FILIP1L: variants seen among roughly 807,000 people sequenced by gnomAD.
FILIP1L encodes the protein filamin A-interacting protein 1-like.
A neutral mutation model predicts 96.6 loss-of-function variants in FILIP1L; 55 were observed. The observed-to-expected ratio is 0.57, with a 90% CI of 0.46 to 0.71. The LOEUF (loss-of-function observed/expected upper bound fraction) is 0.71, where lower values mean the gene tolerates loss of function less well. Ranked by LOEUF, FILIP1L falls within the 30% of genes least tolerant of loss-of-function variation. FILIP1L has a pLI of 0.00. For missense variants in FILIP1L, 1,304 were observed against 1,321.2 expected (o/e 0.99, Z 0.20); for synonymous variants, 467 against 473.9 (o/e 0.99, Z 0.19).
chr3:100,087,651 C>T (rs948273580), intron 1 of FILIP1L, among the ~76,000 whole-genome samples: 68 of 151,840 alleles, frequency 4.5e-4, no homozygotes, highest in African/African-American at 1.5e-3. Context: ...ATATAACTTG[C>T]GAGTTTTTTT....
intron 1 of FILIP1L, among the ~76,000 whole-genome samples, chr3:100,107,501 G>C (rs1234789381): frequency 6.6e-6 from 1 of 152,116 alleles, no homozygotes; most frequent in Non-Finnish European, 1.5e-5. Flanking sequence ...CATTTGGCAG[G>C]TATTTAATGC....
At chr3:99,961,681 C>A (rs4613498) in intron 1 of FILIP1L, among the ~76,000 whole-genome samples, 1 of 152,066 alleles carries the variant, frequency 6.6e-6, no homozygotes, top group Non-Finnish European at 1.5e-5. Context: ...TTAGAATATT[C>A]TTTTATAAGT....
At chr3:100,060,397 G>C (rs1156694358) in intron 1 of FILIP1L, among the ~76,000 whole-genome samples, 2 of 152,000 alleles carry the variant, frequency 1.3e-5, no homozygotes, top group Non-Finnish European at 2.9e-5. Context: ...CTAAGAGAAG[G>C]CAGCTCCTTG....
At chr3:100,014,142 T>G (rs1264401494) in intron 1 of FILIP1L, among the ~76,000 whole-genome samples, 7 of 151,188 alleles carry the variant, frequency 4.6e-5, no homozygotes, top group Admixed American at 2.0e-4. Flanking sequence ...TTGTTGAAAA[T>G]GACAGAATTT....
chr3:99,944,408 T>C (rs1707945362), intron 1 of FILIP1L, among the ~76,000 whole-genome samples: 1 of 152,338 alleles, frequency 6.6e-6, no homozygotes, highest in Non-Finnish European at 1.5e-5. Flanking sequence ...AGGGGGATAC[T>C]CACCCAGGCT....
intron 1 of FILIP1L, among the ~76,000 whole-genome samples, chr3:99,971,503 G>A (rs1446916150): frequency 6.6e-6 from 1 of 152,140 alleles, no homozygotes; most frequent in Non-Finnish European, 1.5e-5. Context: ...TCAGGAATGA[G>A]GTCTCACAGG....
chr3:99,852,407 G>C (rs1364694931), intron 4 of FILIP1L, among the ~76,000 whole-genome samples: 1 of 152,000 alleles, frequency 6.6e-6, no homozygotes, highest in Non-Finnish European at 1.5e-5. Context: ...CTTACTTTTT[G>C]AAAGTTGTGT....
chr3:100,108,548 C>A (rs1312839948), intron 1 of FILIP1L, among the ~76,000 whole-genome samples: 1 of 152,116 alleles, frequency 6.6e-6, no homozygotes, highest in Non-Finnish European at 1.5e-5. Flanking sequence ...CATTGTGGTA[C>A]ATTCTGGTTT....
chr3:99,830,958 T>TA (rs1480059818), intron 5 of FILIP1L, among the ~76,000 whole-genome samples: 2 of 152,230 alleles, frequency 1.3e-5, no homozygotes, highest in African/African-American at 4.8e-5. Flanking sequence ...AGATTGTCTT[T>TA]AAGAGTGCTT....
chr3:99,888,746 G>C (rs147439877), intron 4 of FILIP1L, among the ~76,000 whole-genome samples: 1 of 152,178 alleles, frequency 6.6e-6, no homozygotes, highest in East Asian at 1.9e-4. Flanking sequence ...CTCTCTTCCA[G>C]CAAAAGAAAT....
At chr3:99,989,608 G>A (rs920885229) in intron 1 of FILIP1L, among the ~76,000 whole-genome samples, 1 of 151,716 alleles carries the variant, frequency 6.6e-6, no homozygotes, top group African/African-American at 2.4e-5. Context: ...TTTTCAGAGA[G>A]TGGAAGTATT....
At chr3:99,938,991 T>G (rs1048232979) in intron 1 of FILIP1L, among the ~76,000 whole-genome samples, 3 of 152,236 alleles carry the variant, frequency 2.0e-5, no homozygotes, top group Non-Finnish European at 1.5e-5. Context: ...TCTCCCATTT[T>G]CAGTAAAAAT....
intron 1 of FILIP1L, among the ~76,000 whole-genome samples, chr3:100,029,586 G>C (rs1280160442): frequency 2.0e-5 from 3 of 152,102 alleles, no homozygotes; most frequent in African/African-American, 7.2e-5. Context: ...TGAGCTTAAG[G>C]TTTATTCCAG....
At chr3:100,057,372 TCA>T (rs1175043661) in intron 1 of FILIP1L, among the ~76,000 whole-genome samples, 1 of 152,160 alleles carries the variant, frequency 6.6e-6, no homozygotes, top group African/African-American at 2.4e-5. Context: ...TTTCAAATAC[TCA>T]TTATATCATC....
intron 1 of FILIP1L, among the ~76,000 whole-genome samples, chr3:100,056,104 G>A (rs1220864470): frequency 2.0e-5 from 3 of 152,198 alleles, no homozygotes; most frequent in African/African-American, 4.8e-5. Flanking sequence ...AAGGTCTTAA[G>A]CTGGGGCCTG....
chr3:99,982,377 T>C (rs1265346521), intron 1 of FILIP1L, among the ~76,000 whole-genome samples: 1 of 152,148 alleles, frequency 6.6e-6, no homozygotes, highest in Non-Finnish European at 1.5e-5. Context: ...TCTCACTCTT[T>C]CAACCAGGCT....
Position 99,848,527 on chromosome 3 carries a change from T to C in FILIP1L, c.3149A>G (p.Asn1050Ser). Residue 1050 changes from asparagine to serine, a missense_variant, in exon 5 of 6, where the codon AAT becomes AGT. Transcript: ENST00000477258. ...SSWQFQRSNS[N>S]SSSVITTEDN... is the part of the protein sequence containing the mutation. Reference sequence around the variant, plus strand: ...CTCAGTAGTTATCACACTTGAGCTATTGCTGTTTGAACGCTGAAACTGCCA... The same window carrying C: ...CTCAGTAGTTATCACACTTGAGCTACTGCTGTTTGAACGCTGAAACTGCCA... 6.2e-7 allele frequency: 1 copy of C among 1,614,226 alleles called. No homozygotes were observed. The highest frequency in any genetic ancestry group is 1.1e-5 in the South Asian group (1 of 91,084).
At chr3:99,988,026 G>A (rs4928235) in intron 1 of FILIP1L, among the ~76,000 whole-genome samples, 84,681 of 151,852 alleles carry the variant, frequency 0.56, 24,090 homozygotes, top group East Asian at 0.72. Flanking sequence ...AAAGAAGCTG[G>A]TACACCAAAA....
chr3:100,063,496 A>G (rs900361908), intron 1 of FILIP1L, among the ~76,000 whole-genome samples: 2 of 152,192 alleles, frequency 1.3e-5, no homozygotes, highest in African/African-American at 2.4e-5. Context: ...TTTACTTTAA[A>G]AAAAAGAAAA....
Sources: allele counts gnomAD v4.1 joint callset (sites outside exome capture counted in the v4.1 genomes callset), GRCh38; gene constraint gnomAD v4.1.1; transcripts MANE v1.5; gene names NCBI Gene and HGNC (gene_info 2026-07-23, HGNC 2026-07-21).